CPEB3: variants seen among roughly 807,000 people sequenced by gnomAD.
CPEB3 encodes the protein cytoplasmic polyadenylation element-binding protein 3.
CPEB3 carries 20 observed loss-of-function variants against 67.2 expected under a neutral mutation model. That is an observed-to-expected ratio of 0.30 (90% CI 0.21 to 0.43). The LOEUF (loss-of-function observed/expected upper bound fraction) is 0.43. Among genes scored for constraint, CPEB3 ranks in the 20% least tolerant of loss-of-function variants. The pLI, the probability that CPEB3 is intolerant of heterozygous loss-of-function variation, is 1.00. For missense variants in CPEB3, 746 were observed against 968.6 expected (o/e 0.77, Z 3.05); for synonymous variants, 376 against 393.1 (o/e 0.96, Z 0.51).
At chr10:92,189,344 A>G (rs1848848577) in intron 3 of CPEB3, among the ~76,000 whole-genome samples, 1 of 152,350 alleles carries the variant, frequency 6.6e-6, no homozygotes, top group South Asian at 2.1e-4. Context: ...ATTTAGCTGA[A>G]GTCTAGTTGG....
intron 1 of CPEB3, among the ~76,000 whole-genome samples, chr10:92,244,123 G>A (rs1410221410): frequency 6.6e-5 from 10 of 152,058 alleles, no homozygotes; most frequent in Admixed American, 6.6e-4. Context: ...GAGGAGGGCA[G>A]ATCACCTGAG....
At chr10:92,211,909 C>G (rs1415711634) in intron 2 of CPEB3, among the ~76,000 whole-genome samples, 1 of 151,452 alleles carries the variant, frequency 6.6e-6, no homozygotes, top group Admixed American at 6.6e-5. Flanking sequence ...CTTTGTTGCC[C>G]AGGCTGGAGT....
At chr10:92,135,629 A>C (rs1398532663) in intron 6 of CPEB3, among the ~76,000 whole-genome samples, 1 of 152,212 alleles carries the variant, frequency 6.6e-6, no homozygotes, top group Non-Finnish European at 1.5e-5. Flanking sequence ...TAGAACTAGA[A>C]ATACCATTTG....
At chr10:92,196,732 C>T (rs1352443151) in intron 2 of CPEB3, among the ~76,000 whole-genome samples, 1 of 149,162 alleles carries the variant, frequency 6.7e-6, no homozygotes, top group Non-Finnish European at 1.5e-5. Flanking sequence ...CATGGCACTG[C>T]ACTCAGCCTG....
At chr10:92,113,015 A>G (rs1844828550) in intron 6 of CPEB3, among the ~76,000 whole-genome samples, 1 of 152,198 alleles carries the variant, frequency 6.6e-6, no homozygotes, top group Non-Finnish European at 1.5e-5. Context: ...CCAACTCCCC[A>G]TCTACTATAC....
intron 2 of CPEB3, among the ~76,000 whole-genome samples, chr10:92,228,272 C>G (rs773295846): frequency 3.2e-4 from 49 of 152,180 alleles, no homozygotes; most frequent in African/African-American, 1.1e-3. Context: ...AGATTTATAA[C>G]AAATGATCCA....
intron 1 of CPEB3, among the ~76,000 whole-genome samples, chr10:92,270,331 A>G (rs143396717): frequency 3.9e-5 from 6 of 152,268 alleles, no homozygotes; most frequent in African/African-American, 7.2e-5. Context: ...AAGAACAAAC[A>G]GATAAAGTGC....
At chr10:92,243,026 GTTT>G (rs958841712) in intron 1 of CPEB3, 1 of 151,906 alleles carries the variant, frequency 6.6e-6, no homozygotes, top group South Asian at 2.1e-4. Context: ...GTTTTTTTGG[GTTT>G]TTTGTTTTTG....
intron 9 of CPEB3, among the ~76,000 whole-genome samples, chr10:92,060,105 C>T (rs143088816): frequency 6.6e-6 from 1 of 152,104 alleles, no homozygotes; most frequent in East Asian, 1.9e-4. Flanking sequence ...TCCTGTAATC[C>T]TAGCACTTTG....
intron 1 of CPEB3, among the ~76,000 whole-genome samples, chr10:92,269,128 C>T (rs1405846762): frequency 6.6e-6 from 1 of 151,852 alleles, no homozygotes; most frequent in Non-Finnish European, 1.5e-5. Context: ...GGGAGCACAA[C>T]CTTGGGCAAG....
chr10:92,134,956 G>A (rs1338811113), intron 6 of CPEB3, among the ~76,000 whole-genome samples: 2 of 152,178 alleles, frequency 1.3e-5, no homozygotes, highest in African/African-American at 4.8e-5. Context: ...AAACTGGCTA[G>A]CCATATGTAG....
chr10:92,262,823 ATC>A (rs1164627894), intron 1 of CPEB3, among the ~76,000 whole-genome samples: 1 of 152,218 alleles, frequency 6.6e-6, no homozygotes, highest in African/African-American at 2.4e-5. Flanking sequence ...GCATTAAAGC[ATC>A]TTTTTTTTGA....
At chr10:92,142,921 G>A (rs866524815) in intron 6 of CPEB3, 108 bp downstream of exon 6, 10 of 687,804 alleles carry the variant, frequency 1.5e-5, no homozygotes, top group Middle Eastern at 2.6e-4. Flanking sequence ...TTTCCTAATT[G>A]GGGGAAAAAA....
chr10:92,206,177 T>G (rs1849780575), intron 2 of CPEB3, among the ~76,000 whole-genome samples: 1 of 151,628 alleles, frequency 6.6e-6, no homozygotes, highest in African/African-American at 2.4e-5. Context: ...GTTCAAGAGA[T>G]TCTCCTGCCT....
At chr10:92,203,442 GTA>G (rs201113493) in intron 2 of CPEB3, among the ~76,000 whole-genome samples, 17,267 of 143,020 alleles carry the variant, frequency 0.12, 3,460 homozygotes, top group African/African-American at 0.42. Flanking sequence ...ATATGTATAT[GTA>G]TATATATACG....
intron 1 of CPEB3, among the ~76,000 whole-genome samples, chr10:92,259,652 T>C (rs1295419798): frequency 1.3e-5 from 2 of 152,152 alleles, no homozygotes; most frequent in Non-Finnish European, 2.9e-5. Flanking sequence ...TGCTTTGCAT[T>C]TGCATTTCTG....
chr10:92,226,451 T>G (rs1850978852), intron 2 of CPEB3, among the ~76,000 whole-genome samples: 1 of 152,236 alleles, frequency 6.6e-6, no homozygotes, highest in Non-Finnish European at 1.5e-5. Flanking sequence ...AACGTTTTAA[T>G]TACTCACACT....
In CPEB3 at chr10:92,195,428, T is replaced by C. The variant is rs1849196122; in HGVS notation, c.1006-2792A>G. Among the ~76,000 whole-genome samples, 3 of 152,214 alleles carry C rather than the reference T, an allele frequency of 2.0e-5. No homozygotes were observed. The South Asian group carries it at 6.2e-4, about 32-fold the overall frequency. On this transcript the variant is annotated intron_variant, in intron 2 of 9. Coordinates refer to ENST00000265997, the MANE Select transcript of CPEB3 (RefSeq NM_014912.5). The stretch of plus-strand genomic sequence containing the variant: ...TTTGGTTCAAGTTATTAGTGGAAAC[T>C]CTAAGGAGTAAAGCTGAATTTCCAG...
intron 2 of CPEB3, among the ~76,000 whole-genome samples, chr10:92,230,704 G>A (rs1851225678): frequency 6.6e-6 from 1 of 152,136 alleles, no homozygotes; most frequent in Non-Finnish European, 1.5e-5. Context: ...AGTATAATAG[G>A]TGAAATGCAG....
Sources: allele counts gnomAD v4.1 joint callset (sites outside exome capture counted in the v4.1 genomes callset), GRCh38; gene constraint gnomAD v4.1.1; transcripts MANE v1.5; gene names NCBI Gene and HGNC (gene_info 2026-07-23, HGNC 2026-07-21).